The following ADGRB3 variants were observed in gnomAD, a reference collection of about 807,000 sequenced individuals.
ADGRB3 encodes brain-specific angiogenesis inhibitor 3.
In ADGRB3, 37 loss-of-function variants were observed where a neutral mutation model predicts 193.4. The observed-to-expected ratio is 0.19, with a 90% CI of 0.15 to 0.25. The LOEUF (loss-of-function observed/expected upper bound fraction) is 0.25, where lower values mean the gene tolerates loss of function less well. ADGRB3 is among the 10% of genes least tolerant of loss of function. ADGRB3 has a pLI of 1.00. For missense variants in ADGRB3, 1,637 were observed against 1,852.9 expected, an observed-to-expected ratio of 0.88 and a Z score of 2.14; for synonymous variants, 690 against 644.2, an observed-to-expected ratio of 1.07 and a Z score of -1.08.
At chr6:68,874,217 A>G (rs1396269449) in intron 3 of ADGRB3, among the ~76,000 whole-genome samples, 1 of 152,160 alleles carries the variant, frequency 6.6e-6, no homozygotes, top group Non-Finnish European at 1.5e-5. Flanking sequence ...TTCGGTATGC[A>G]TGAAATGCAC....
intron 15 of ADGRB3, among the ~76,000 whole-genome samples, chr6:69,052,780 G>C (rs149956468): frequency 6.6e-6 from 1 of 152,234 alleles, no homozygotes; most frequent in East Asian, 1.9e-4. Context: ...AGTTAAGTAG[G>C]TTCAGATTGT....
chr6:68,812,507 G>A (rs533396799), intron 3 of ADGRB3, among the ~76,000 whole-genome samples: 18 of 152,128 alleles, frequency 1.2e-4, no homozygotes, highest in African/African-American at 3.6e-4. Context: ...TCTTAGTTAT[G>A]TATCCATTGT....
chr6:68,876,756 TC>T (rs1765605704), intron 3 of ADGRB3, among the ~76,000 whole-genome samples: 2 of 152,216 alleles, frequency 1.3e-5, no homozygotes, highest in Non-Finnish European at 2.9e-5. Flanking sequence ...TCTGGTTACA[TC>T]CTAGTCAACT....
chr6:68,785,680 G>C (rs1045160259), intron 3 of ADGRB3, among the ~76,000 whole-genome samples: 2 of 152,114 alleles, frequency 1.3e-5, no homozygotes, highest in Non-Finnish European at 2.9e-5. Context: ...ACAGTAATGG[G>C]ATGGCTGGGT....
intron 3 of ADGRB3, among the ~76,000 whole-genome samples, chr6:68,895,323 A>G (rs1315384260): frequency 6.6e-6 from 1 of 151,064 alleles, no homozygotes; most frequent in Non-Finnish European, 1.5e-5. Flanking sequence ...TAGCACTTGT[A>G]TTTTTCTTTG....
chr6:68,910,805 G>T (rs1425328668), intron 3 of ADGRB3, among the ~76,000 whole-genome samples: 2 of 152,120 alleles, frequency 1.3e-5, no homozygotes, highest in Non-Finnish European at 2.9e-5. Flanking sequence ...TTTGGTTACT[G>T]TAGCCTTGTA....
chr6:68,649,069 T>C (rs1037696988), intron 3 of ADGRB3, among the ~76,000 whole-genome samples: 1 of 152,154 alleles, frequency 6.6e-6, no homozygotes, highest in Non-Finnish European at 1.5e-5. Context: ...TTATGCAGAA[T>C]ACTCTAAAAA....
intron 3 of ADGRB3, among the ~76,000 whole-genome samples, chr6:68,906,158 A>G (rs995035637): frequency 6.6e-6 from 1 of 151,806 alleles, no homozygotes; most frequent in Non-Finnish European, 1.5e-5. Context: ...AATATTTTGG[A>G]AAATGTTACT....
intron 3 of ADGRB3, among the ~76,000 whole-genome samples, chr6:68,885,311 G>A (rs1419114608): frequency 6.6e-6 from 1 of 152,056 alleles, no homozygotes; most frequent in African/African-American, 2.4e-5. Flanking sequence ...AAAGAGTATG[G>A]AATGCGACCT....
intron 17 of ADGRB3, among the ~76,000 whole-genome samples, chr6:69,143,021 T>G (rs1037260859): frequency 3.9e-5 from 6 of 152,200 alleles, no homozygotes; most frequent in African/African-American, 1.4e-4. Flanking sequence ...GGTTGCCTTT[T>G]CTCCACATCC....
intron 21 of ADGRB3, among the ~76,000 whole-genome samples, chr6:69,325,725 G>A (rs1375116918): frequency 6.6e-6 from 1 of 152,118 alleles, no homozygotes; most frequent in Non-Finnish European, 1.5e-5. Flanking sequence ...CTGGCATATG[G>A]GATGCTAGGA....
chr6:68,692,553 G>T (rs2746126), intron 3 of ADGRB3, among the ~76,000 whole-genome samples: 62,846 of 151,368 alleles, frequency 0.42, 13,857 homozygotes, highest in African/African-American at 0.56. Context: ...GTTTAAAACA[G>T]AAAATATACC....
At chr6:69,072,844 A>C (rs573622910) in intron 16 of ADGRB3, among the ~76,000 whole-genome samples, 1 of 152,340 alleles carries the variant, frequency 6.6e-6, no homozygotes, top group South Asian at 2.1e-4. Context: ...CATTTTGGCT[A>C]TGCTGAGGAT....
intron 26 of ADGRB3, among the ~76,000 whole-genome samples, chr6:69,341,235 G>C (rs145960922): frequency 6.6e-6 from 1 of 152,294 alleles, no homozygotes; most frequent in Non-Finnish European, 1.5e-5. Flanking sequence ...CCCACCAACA[G>C]TGTAAAAGCC....
At chr6:69,100,828 AGGAAGGAAGGAAGGAGGGAGGGAG>A (rs1773013057) in intron 17 of ADGRB3, among the ~76,000 whole-genome samples, 2 of 77,640 alleles carry the variant, frequency 2.6e-5, no homozygotes, top group African/African-American at 9.7e-5. Flanking sequence ...GAAGGAAAGA[AGGAAGGAAGGAAGGAGGGAGGGAG>A]GGAAGGAAGG....
intron 29 of ADGRB3, among the ~76,000 whole-genome samples, chr6:69,366,528 A>C (rs1247860524): frequency 6.6e-6 from 1 of 152,130 alleles, no homozygotes; most frequent in African/African-American, 2.4e-5. Flanking sequence ...GATGTGGAGA[A>C]ATGCCTCTAT....
At chr6:68,920,917 T>A (rs1000140649) in intron 3 of ADGRB3, among the ~76,000 whole-genome samples, 1 of 152,210 alleles carries the variant, frequency 6.6e-6, no homozygotes, top group Non-Finnish European at 1.5e-5. Context: ...CAAATTATTG[T>A]CTTGGTTGGA....
intron 13 of ADGRB3, among the ~76,000 whole-genome samples, chr6:69,030,977 T>TTTTCTTTTCTTTTCTTTCTTTTCC: frequency 1.3e-5 from 1 of 77,208 alleles, no homozygotes; most frequent in Non-Finnish European, 2.9e-5. Flanking sequence ...TTTTCTTTTC[T>TTTTCTTTTCTTTTCTTTCTTTTCC]TTTCTTTTCT....
At chr6:69,266,418 A>T (rs1276015760) in intron 20 of ADGRB3, among the ~76,000 whole-genome samples, 1 of 151,990 alleles carries the variant, frequency 6.6e-6, no homozygotes, top group Admixed American at 6.6e-5. Flanking sequence ...TTAGATATGG[A>T]TAGAAAATAC....
Sources: allele counts gnomAD v4.1 joint callset (sites outside exome capture counted in the v4.1 genomes callset), GRCh38; gene constraint gnomAD v4.1.1; transcripts MANE v1.5; gene names NCBI Gene and HGNC (gene_info 2026-07-23, HGNC 2026-07-21).